EPB41: variants seen among roughly 807,000 people sequenced by gnomAD.
The protein encoded by EPB41 is erythrocyte membrane protein band 4.1.
A neutral mutation model predicts 108.0 loss-of-function variants in EPB41; 65 were observed. The ratio of observed to expected loss-of-function variants is 0.60; its 90% confidence interval spans 0.49 to 0.74. The LOEUF (loss-of-function observed/expected upper bound fraction) is 0.74, where lower values mean the gene tolerates loss of function less well. EPB41 is among the 30% of genes least tolerant of loss of function. EPB41 has a pLI of 0.00. For missense variants in EPB41, 875 were observed against 1,037.0 expected (o/e 0.84, Z 2.15); for synonymous variants, 336 against 358.9 (o/e 0.94, Z 0.72).
chr1:28,940,165 A>C (rs1412780108), intron 1 of EPB41, among the ~76,000 whole-genome samples: 2 of 152,194 alleles, frequency 1.3e-5, no homozygotes, highest in African/African-American at 4.8e-5. Flanking sequence ...CTCTTAAACA[A>C]ATCGTACATC....
intron 18 of EPB41, among the ~76,000 whole-genome samples, chr1:29,111,040 G>A (rs374990868): frequency 1.2e-3 from 190 of 152,090 alleles, no homozygotes; most frequent in African/African-American, 4.3e-3. Context: ...GGTGGCACAC[G>A]CCTATAGTCC....
chr1:29,045,388 C>G (rs1397644640), intron 11 of EPB41, among the ~76,000 whole-genome samples: 1 of 152,042 alleles, frequency 6.6e-6, no homozygotes, highest in Non-Finnish European at 1.5e-5. Flanking sequence ...GGGTCTCACT[C>G]TGTCATCCAG....
rs1418816342 is a variant in EPB41 at position 28,977,019 on chromosome 1, ATTG to A, written c.-7-10407_-7-10405del. On this transcript the variant is annotated intron_variant, in intron 1 of 20. Transcript: ENST00000343067. ...AAGTGTGCACCACCATGTGCAGCTA[ATTG>A]TTGTATTTTTAGTACAGACAGAGTT... is the stretch of plus-strand genomic sequence containing the variant. 2.6e-5 allele frequency among the ~76,000 whole-genome samples: 4 copies of A among 152,202 alleles called. No homozygotes were observed. The East Asian group carries it at 7.7e-4, about 29-fold the overall frequency.
intron 1 of EPB41, among the ~76,000 whole-genome samples, chr1:28,952,053 G>T (rs1571268079): frequency 6.6e-6 from 1 of 152,100 alleles, no homozygotes. Context: ...TCATATTGGG[G>T]ATATAAGCAA....
intron 16 of EPB41, 52 bp downstream of exon 16, chr1:29,065,210 T>G (rs576336164): frequency 1.6e-5 from 24 of 1,515,694 alleles, no homozygotes; most frequent in Middle Eastern, 3.6e-4. Flanking sequence ...AATAAATGTT[T>G]TTATGTATTA....
chr1:28,958,819 C>CAAAAAAAAAAAAAAA (rs35105287), intron 1 of EPB41, among the ~76,000 whole-genome samples: 1 of 65,760 alleles, frequency 1.5e-5, no homozygotes, highest in Non-Finnish European at 3.1e-5. Flanking sequence ...ACCCTGTCTC[C>CAAAAAAAAAAAAAAA]AAAAAAAAAA....
chr1:29,057,713 T>C (rs1359263870), intron 12 of EPB41, among the ~76,000 whole-genome samples: 1 of 152,240 alleles, frequency 6.6e-6, no homozygotes, highest in Non-Finnish European at 1.5e-5. Context: ...CCCTCTATTA[T>C]GCTCCCTCTT....
At chr1:28,957,033 G>A (rs979104208) in intron 1 of EPB41, among the ~76,000 whole-genome samples, 13 of 152,232 alleles carry the variant, frequency 8.5e-5, no homozygotes, top group Non-Finnish European at 1.9e-4. Context: ...AGACTAGATT[G>A]CATGTAATGT....
intron 1 of EPB41, among the ~76,000 whole-genome samples, chr1:28,960,370 G>A (rs2095152771): frequency 2.0e-5 from 3 of 151,732 alleles, no homozygotes; most frequent in South Asian, 4.2e-4. Flanking sequence ...TAGGGAGACT[G>A]CATTATTATG....
intron 16 of EPB41, among the ~76,000 whole-genome samples, chr1:29,067,259 A>G (rs935390454): frequency 6.6e-6 from 1 of 151,724 alleles, no homozygotes; most frequent in Non-Finnish European, 1.5e-5. Flanking sequence ...GCACTTTGGG[A>G]GGCCGAGGCG....
intron 1 of EPB41, among the ~76,000 whole-genome samples, chr1:28,963,515 C>G (rs1175949443): frequency 6.6e-6 from 1 of 152,184 alleles, no homozygotes; most frequent in Non-Finnish European, 1.5e-5. Context: ...GGTTTTGGCT[C>G]TGCCTCTGAT....
At chr1:28,957,098 C>G (rs1021515919) in intron 1 of EPB41, among the ~76,000 whole-genome samples, 2 of 152,228 alleles carry the variant, frequency 1.3e-5, no homozygotes, top group African/African-American at 4.8e-5. Context: ...TGTTTTGAAG[C>G]TTTTGCATTA....
intron 7 of EPB41, among the ~76,000 whole-genome samples, chr1:29,023,104 C>T (rs1034595242): frequency 5.9e-5 from 9 of 151,670 alleles, no homozygotes; most frequent in African/African-American, 1.5e-4. Flanking sequence ...AAGTGATTCT[C>T]GTGCCTCAGC....
chr1:28,921,937 T>TC (rs1411333372), intron 1 of EPB41, among the ~76,000 whole-genome samples: 1 of 78,774 alleles, frequency 1.3e-5, no homozygotes, highest in African/African-American at 6.1e-5. Context: ...TTTATGAAAT[T>TC]TTATATATAT....
chr1:28,920,969 A>G (rs933829173), intron 1 of EPB41, among the ~76,000 whole-genome samples: 22 of 152,094 alleles, frequency 1.4e-4, no homozygotes, highest in Non-Finnish European at 3.1e-4. Flanking sequence ...GAGTCTCTCT[A>G]TGTTGCTGAG....
At chr1:29,006,886 T>A (rs186995481) in intron 4 of EPB41, among the ~76,000 whole-genome samples, 74 of 151,022 alleles carry the variant, frequency 4.9e-4, no homozygotes, top group Admixed American at 2.3e-3. Context: ...GGTAACAGAG[T>A]GAGACCCTAT....
intron 1 of EPB41, among the ~76,000 whole-genome samples, chr1:28,894,648 C>T (rs1454003493): frequency 2.6e-5 from 4 of 152,130 alleles, no homozygotes; most frequent in Admixed American, 2.6e-4. Flanking sequence ...TGGGGAGGGA[C>T]TCTGCCTTCT....
At chr1:28,953,710 G>A (rs75740035) in intron 1 of EPB41, among the ~76,000 whole-genome samples, 1 of 152,252 alleles carries the variant, frequency 6.6e-6, no homozygotes, top group East Asian at 1.9e-4. Context: ...TTTTTAGTGA[G>A]AAAAACATGC....
chr1:29,084,260 C>CT (rs1657907287), intron 16 of EPB41, among the ~76,000 whole-genome samples: 1 of 152,172 alleles, frequency 6.6e-6, no homozygotes, highest in South Asian at 2.1e-4. Context: ...TTTAATGAAT[C>CT]ACTTTTCCCA....
Sources: allele counts gnomAD v4.1 joint callset (sites outside exome capture counted in the v4.1 genomes callset), GRCh38; gene constraint gnomAD v4.1.1; transcripts MANE v1.5; gene names NCBI Gene and HGNC (gene_info 2026-07-23, HGNC 2026-07-21).